Variants in DIP2C observed in about 807,000 individuals in gnomAD.
DIP2C encodes the protein DIP2 acetate--CoA ligase C (putative).
Under a neutral mutation model 192.4 loss-of-function variants are expected in DIP2C, and 33 were observed. The observed-to-expected ratio is 0.17, with a 90% CI of 0.13 to 0.23. The LOEUF is 0.23. Ranked by LOEUF, DIP2C falls within the 10% of genes least tolerant of loss-of-function variation. DIP2C has a pLI of 1.00. For synonymous variants in DIP2C, 979 were observed against 864.1 expected (o/e 1.13, Z -2.33); for missense variants, 1,537 against 2,110.1 (o/e 0.73, Z 5.32).
chr10:658,197 G>A, intron 1 of DIP2C, among the ~76,000 whole-genome samples: 1 of 151,508 alleles, frequency 6.6e-6, no homozygotes, highest in Non-Finnish European at 1.5e-5. Context: ...CACTGGACCT[G>A]TCCCTGGACC....
At chr10:648,853 G>A (rs1050552438) in intron 1 of DIP2C, among the ~76,000 whole-genome samples, 3 of 149,776 alleles carry the variant, frequency 2.0e-5, no homozygotes, top group Non-Finnish European at 4.5e-5. Context: ...CGAGAACAGA[G>A]GAAAACTGAG....
intron 5 of DIP2C, 138 bp downstream of exon 5, chr10:422,686 G>T: frequency 9.5e-7 from 1 of 1,055,280 alleles, no homozygotes; most frequent in Non-Finnish European, 1.3e-6. Context: ...AAACAATCCA[G>T]CCAAAGCACC....
At chr10:528,478 A>G (rs954707226) in intron 1 of DIP2C, among the ~76,000 whole-genome samples, 12 of 152,100 alleles carry the variant, frequency 7.9e-5, no homozygotes, top group Non-Finnish European at 1.6e-4. Flanking sequence ...CATTCATCTT[A>G]TTAACACCAA....
At chr10:487,584 T>TTTG (rs1844115873) in intron 1 of DIP2C, among the ~76,000 whole-genome samples, 4 of 137,764 alleles carry the variant, frequency 2.9e-5, no homozygotes, top group African/African-American at 1.1e-4. Flanking sequence ...TTTTTTTTTT[T>TTTG]TTTTTTTTTT....
intron 36 of DIP2C, among the ~76,000 whole-genome samples, chr10:278,465 C>A (rs563521800): frequency 5.9e-5 from 9 of 152,358 alleles, no homozygotes; most frequent in African/African-American, 2.2e-4. Context: ...CACACCTGGG[C>A]TGGCCCTTGG....
intron 3 of DIP2C, among the ~76,000 whole-genome samples, chr10:453,633 C>T (rs11252514): frequency 0.16 from 24,420 of 152,108 alleles, 5,070 homozygotes; most frequent in African/African-American, 0.48. Context: ...GAAGATGATT[C>T]TAGTTTGGGA....
At chr10:319,993 A>G (rs1956937473) in intron 31 of DIP2C, among the ~76,000 whole-genome samples, 1 of 152,238 alleles carries the variant, frequency 6.6e-6, no homozygotes, top group Non-Finnish European at 1.5e-5. Context: ...AATGACTCTT[A>G]AGGTGCAAGC....
At chr10:548,694 C>G (rs529407881) in intron 1 of DIP2C, among the ~76,000 whole-genome samples, 1 of 151,754 alleles carries the variant, frequency 6.6e-6, no homozygotes, top group Admixed American at 6.6e-5. Flanking sequence ...AGGGAAGCGA[C>G]AAGAGGGGTC....
At chr10:502,129 G>C (rs1375288658) in intron 1 of DIP2C, among the ~76,000 whole-genome samples, 1 of 152,202 alleles carries the variant, frequency 6.6e-6, no homozygotes, top group African/African-American at 2.4e-5. Flanking sequence ...ATGGGTGATA[G>C]TGACCCTGTC....
chr10:564,403 C>T (rs1393831250), intron 1 of DIP2C, among the ~76,000 whole-genome samples: 1 of 152,210 alleles, frequency 6.6e-6, no homozygotes, highest in Non-Finnish European at 1.5e-5. Context: ...TTCTCACCCA[C>T]AGGCCTTCAC....
chr10:363,695 T>C lies in DIP2C; in HGVS notation c.2478-384A>G, dbSNP rs1334279997. On this transcript the variant is annotated intron_variant, in intron 20 of 36. Coordinates refer to ENST00000280886, the MANE Select transcript of DIP2C (RefSeq NM_014974.3). The surrounding 1 kb of genome is among the most constrained non-coding windows in gnomAD (Gnocchi z 5.4). The stretch of plus-strand genomic sequence containing the variant: ...TAACGGTCTCCAAATCAGTAGAAAT[T>C]TGCCGTTTCAGAACTAGTGATTTTC... Among the ~76,000 whole-genome samples, 1 of 152,160 alleles carries C rather than the reference T, an allele frequency of 6.6e-6. No individual in the cohort carries two copies. The highest frequency in any genetic ancestry group is 1.9e-4 in the East Asian group (1 of 5,200).
chr10:448,809 C>T (rs1689629213), intron 3 of DIP2C, among the ~76,000 whole-genome samples: 1 of 142,640 alleles, frequency 7.0e-6, no homozygotes, highest in African/African-American at 2.8e-5. Context: ...GGCAGCAGGA[C>T]CCACTCATCC....
chr10:353,925 G>A (rs746935057), intron 24 of DIP2C, among the ~76,000 whole-genome samples: 7 of 152,180 alleles, frequency 4.6e-5, no homozygotes, highest in African/African-American at 1.2e-4. Context: ...TCCGCTGGAC[G>A]GTGCTGAACA....
At chr10:307,309 A>G (rs1209912197) in intron 32 of DIP2C, among the ~76,000 whole-genome samples, 2 of 152,206 alleles carry the variant, frequency 1.3e-5, no homozygotes, top group African/African-American at 4.8e-5. Context: ...CTGACTTCTG[A>G]CCTGTGTGAC....
intron 3 of DIP2C, among the ~76,000 whole-genome samples, chr10:449,324 T>C (rs959841612): frequency 6.6e-6 from 1 of 152,136 alleles, no homozygotes; most frequent in Admixed American, 6.5e-5. Context: ...CAAGATGTTA[T>C]TTAGGCAAAC....
intron 6 of DIP2C, 40 bp downstream of exon 6, chr10:419,025 C>A (rs376128162): frequency 3.1e-6 from 5 of 1,613,562 alleles, no homozygotes; most frequent in Non-Finnish European, 3.4e-6. Context: ...CAGCACAAAC[C>A]GTTTACCAGA....
intron 26 of DIP2C, among the ~76,000 whole-genome samples, chr10:347,551 A>G (rs140057094): frequency 0.04 from 4,347 of 108,062 alleles, 703 homozygotes; most frequent in African/African-American, 0.076. Context: ...CACATCGCGC[A>G]TAGCTCTCCC....
intron 19 of DIP2C, among the ~76,000 whole-genome samples, chr10:365,732 C>T (rs981288864): frequency 1.3e-5 from 2 of 152,232 alleles, no homozygotes; most frequent in Non-Finnish European, 2.9e-5. Context: ...GCCCCATGCA[C>T]GCACATTACA....
At chr10:307,458 G>T (rs1956373579) in intron 32 of DIP2C, among the ~76,000 whole-genome samples, 1 of 152,180 alleles carries the variant, frequency 6.6e-6, no homozygotes, top group South Asian at 2.1e-4. Flanking sequence ...GAGGGCTTTG[G>T]GGCTGGCTTG....
Sources: gnomAD v4.1 joint callset for allele counts (sites outside exome capture counted in the v4.1 genomes callset) on GRCh38, gnomAD v4.1.1 for gene constraint, Gnocchi (gnomAD v3.1) non-coding constraint, MANE v1.5 for transcripts, NCBI Gene and HGNC (gene_info 2026-07-23, HGNC 2026-07-21) for gene names.